MARK1: variants seen among roughly 807,000 people sequenced by gnomAD.
MARK1 encodes microtubule affinity regulating kinase 1.
MARK1 carries 40 observed loss-of-function variants against 96.3 expected under a neutral mutation model. That is an observed-to-expected ratio of 0.42 (90% CI 0.32 to 0.54). MARK1 has a LOEUF of 0.54. MARK1 is among the 20% of genes least tolerant of loss of function. The pLI is 0.16. For missense variants in MARK1, 719 were observed against 984.6 expected (o/e 0.73, Z 3.61); for synonymous variants, 317 against 341.2 (o/e 0.93, Z 0.78).
chr1:220,540,626 A>G (rs996343694), intron 1 of MARK1, among the ~76,000 whole-genome samples: 23 of 152,172 alleles, frequency 1.5e-4, no homozygotes, highest in Non-Finnish European at 2.8e-4. Context: ...ATTTGTTGGA[A>G]TATGATTATT....
chr1:220,648,514 G>A (rs1668702110), intron 13 of MARK1, among the ~76,000 whole-genome samples: 1 of 152,180 alleles, frequency 6.6e-6, no homozygotes, highest in South Asian at 2.1e-4. Flanking sequence ...ATACCTGAAT[G>A]TCACTGGCAT....
intron 5 of MARK1, among the ~76,000 whole-genome samples, chr1:220,603,130 T>C (rs1249363707): frequency 3.9e-5 from 6 of 152,058 alleles, no homozygotes; most frequent in Non-Finnish European, 8.8e-5. Context: ...ACAAGAACAC[T>C]TTAAGCCATT....
intron 1 of MARK1, among the ~76,000 whole-genome samples, 181 bp downstream of exon 1, chr1:220,529,054 C>G (rs938897721): frequency 2.0e-5 from 3 of 152,216 alleles, no homozygotes; most frequent in African/African-American, 7.2e-5. Context: ...AACCCCATTT[C>G]GCTTGTTTCC....
intron 9 of MARK1, chr1:220,626,763 A>G (rs1204625083): frequency 3.0e-6 from 1 of 336,490 alleles, no homozygotes; most frequent in African/African-American, 2.2e-5. Context: ...CGGAGGTTGC[A>G]GTGAGCTGAT....
chr1:220,541,796 G>A (rs1230995316), intron 1 of MARK1, among the ~76,000 whole-genome samples: 1 of 152,080 alleles, frequency 6.6e-6, no homozygotes, highest in African/African-American at 2.4e-5. Context: ...TGAATCTCTT[G>A]TACACAACAT....
At chr1:220,656,378 T>A (rs1359129380) in intron 16 of MARK1, among the ~76,000 whole-genome samples, 1 of 152,228 alleles carries the variant, frequency 6.6e-6, no homozygotes, top group East Asian at 1.9e-4. Flanking sequence ...ATTTCACTCC[T>A]AATGTTTTAA....
chr1:220,536,549 A>G (rs914809157), intron 1 of MARK1, among the ~76,000 whole-genome samples: 15 of 151,302 alleles, frequency 9.9e-5, no homozygotes, highest in African/African-American at 3.4e-4. Context: ...TTATTTAACC[A>G]GTCCTCTCTC....
intron 17 of MARK1, among the ~76,000 whole-genome samples, chr1:220,659,813 CAA>C (rs984803042): frequency 2.0e-5 from 3 of 151,878 alleles, no homozygotes; most frequent in African/African-American, 7.3e-5. Flanking sequence ...TCTTCTGAGA[CAA>C]AGTTTTGCTC....
At chr1:220,594,609 T>C (rs1309424705) in intron 3 of MARK1, among the ~76,000 whole-genome samples, 2 of 152,174 alleles carry the variant, frequency 1.3e-5, no homozygotes. Flanking sequence ...TGGTCATAAC[T>C]TGGAAGCAAC....
chr1:220,543,197 A>G (rs1219405784), intron 1 of MARK1, among the ~76,000 whole-genome samples: 3 of 152,214 alleles, frequency 2.0e-5, no homozygotes, highest in Non-Finnish European at 4.4e-5. Context: ...GCTTCCATTT[A>G]TGTGAGATGC....
rs577421310 is a variant in MARK1, at chr1:220,541,500, T to C, written c.51+12627T>C. 3.3e-5 allele frequency among the ~76,000 whole-genome samples: 5 copies of C among 152,298 alleles called. No homozygotes were observed. The South Asian group carries it at 1.0e-3, about 32-fold the overall frequency. On this transcript the variant is annotated intron_variant, in intron 1 of 17. Transcript: ENST00000366917. The stretch of plus-strand genomic sequence containing the variant: ...ATCTTCTGTCTAGTTATTCTATCAT[T>C]ATCGAATGTAGGGTATTGAAATCTT...
At chr1:220,657,325 A>G (rs1220286273) in intron 16 of MARK1, among the ~76,000 whole-genome samples, 1 of 152,184 alleles carries the variant, frequency 6.6e-6, no homozygotes, top group Non-Finnish European at 1.5e-5. Context: ...ATAACTTCTA[A>G]AAGAAATTGC....
At chr1:220,600,490 G>A (rs1245281134) in intron 5 of MARK1, among the ~76,000 whole-genome samples, 1 of 152,186 alleles carries the variant, frequency 6.6e-6, no homozygotes, top group Non-Finnish European at 1.5e-5. Context: ...ATATGTGATA[G>A]AAAATCATCT....
intron 1 of MARK1, among the ~76,000 whole-genome samples, chr1:220,574,257 G>A (rs1663679753): frequency 6.6e-6 from 1 of 152,192 alleles, no homozygotes; most frequent in Non-Finnish European, 1.5e-5. Flanking sequence ...CCTGCGTTGT[G>A]GTGGCCAACA....
At chr1:220,597,232 C>G (rs562245212) in intron 3 of MARK1, among the ~76,000 whole-genome samples, 54 of 152,146 alleles carry the variant, frequency 3.5e-4, no homozygotes, top group African/African-American at 1.2e-3. Context: ...GACATATACC[C>G]AGAAGTAGAA....
intron 1 of MARK1, among the ~76,000 whole-genome samples, chr1:220,577,094 C>A (rs549357361): frequency 6.6e-6 from 1 of 151,840 alleles, no homozygotes; most frequent in African/African-American, 2.4e-5. Flanking sequence ...TCCATCTCTA[C>A]AAACAAAACA....
At chr1:220,532,735 G>A (rs753193437) in intron 1 of MARK1, among the ~76,000 whole-genome samples, 4 of 152,132 alleles carry the variant, frequency 2.6e-5, no homozygotes, top group Non-Finnish European at 4.4e-5. Flanking sequence ...GTTTAGAAGA[G>A]TGGCTCATGC....
chr1:220,550,440 C>T (rs1661782789), intron 1 of MARK1, among the ~76,000 whole-genome samples: 2 of 152,068 alleles, frequency 1.3e-5, no homozygotes, highest in South Asian at 4.1e-4. Context: ...GCAGTCTAAA[C>T]CTCCCATGTT....
chr1:220,597,534 C>A (rs1432528425), intron 3 of MARK1, among the ~76,000 whole-genome samples: 4 of 152,024 alleles, frequency 2.6e-5, no homozygotes, highest in African/African-American at 9.7e-5. Context: ...TGTATCTTTG[C>A]TGCAGAAATG....
Sources: allele counts gnomAD v4.1 joint callset (sites outside exome capture counted in the v4.1 genomes callset), GRCh38; gene constraint gnomAD v4.1.1; transcripts MANE v1.5; gene names NCBI Gene and HGNC (gene_info 2026-07-23, HGNC 2026-07-21).